DENND1A: variants seen among roughly 807,000 people sequenced by gnomAD.
DENND1A encodes DENN domain containing 1A.
Under a neutral mutation model 113.7 loss-of-function variants are expected in DENND1A, and 51 were observed. The observed-to-expected ratio is 0.45, with a 90% CI of 0.36 to 0.57. The LOEUF (loss-of-function observed/expected upper bound fraction) is 0.57, where lower values mean the gene tolerates loss of function less well. Among genes scored for constraint, DENND1A ranks in the 20% least tolerant of loss-of-function variants. The probability of loss-of-function intolerance (pLI) is 0.00; values close to 1 mark genes in which losing one functional copy is unlikely to be tolerated. For synonymous variants in DENND1A, 565 were observed against 570.8 expected, an observed-to-expected ratio of 0.99 and a Z score of 0.14; for missense variants, 1,258 against 1,395.9, an observed-to-expected ratio of 0.90 and a Z score of 1.57.
chr9:123,509,950 C>A (rs1176911424), intron 13 of DENND1A, among the ~76,000 whole-genome samples: 1 of 152,236 alleles, frequency 6.6e-6, no homozygotes, highest in East Asian at 1.9e-4. Flanking sequence ...TCAGATGAAC[C>A]TACCTGTAAG....
chr9:123,817,941 C>T (rs978147567), intron 2 of DENND1A, among the ~76,000 whole-genome samples: 18 of 151,140 alleles, frequency 1.2e-4, no homozygotes, highest in Non-Finnish European at 2.4e-4. Context: ...GCAGGAGAAT[C>T]GCTTAAACCT....
At chr9:123,581,352 G>A (rs980434507) in intron 12 of DENND1A, among the ~76,000 whole-genome samples, 4 of 152,110 alleles carry the variant, frequency 2.6e-5, no homozygotes, top group African/African-American at 4.8e-5. Context: ...ATCCTGTTAC[G>A]GCTGGGCACA....
At chr9:123,584,637 C>T (rs1176493576) in intron 11 of DENND1A, among the ~76,000 whole-genome samples, 2 of 152,204 alleles carry the variant, frequency 1.3e-5, no homozygotes, top group African/African-American at 4.8e-5. Context: ...TTCTTATCAA[C>T]CCCTGTGAAG....
At chr9:123,531,075 T>C (rs978903269) in intron 13 of DENND1A, among the ~76,000 whole-genome samples, 4 of 152,180 alleles carry the variant, frequency 2.6e-5, no homozygotes, top group Admixed American at 2.0e-4. Context: ...ACATTTAGAA[T>C]TGTTAATTTA....
intron 1 of DENND1A, among the ~76,000 whole-genome samples, chr9:123,909,935 T>C (rs1248002948): frequency 6.6e-6 from 1 of 151,826 alleles, no homozygotes. Flanking sequence ...TTTACAATAG[T>C]ATGGGAAAAA....
chr9:123,702,709 A>T lies in DENND1A; in HGVS notation c.303-25920T>A, dbSNP rs28780424. ...TCAACCAAGAATACTGTACCCAGCA[A>T]ATCTGTCCTACAGAAATGAAGGAGA... On this transcript the variant is annotated intron_variant, in intron 5 of 23. Transcript: ENST00000394215. Among the ~76,000 whole-genome samples the T allele has an allele frequency of 8.3e-3, 1,261 of 152,310 alleles. 16 individuals carry two copies. The highest frequency in any genetic ancestry group is 0.029 in the African/African-American group (1,208 of 41,564).
intron 4 of DENND1A, among the ~76,000 whole-genome samples, chr9:123,767,157 A>G (rs912183187): frequency 2.6e-5 from 4 of 152,232 alleles, no homozygotes; most frequent in South Asian, 2.1e-4. Flanking sequence ...AGACATTGAA[A>G]CCTTTATATT....
At chr9:123,766,451 C>T (rs1828830848) in intron 4 of DENND1A, among the ~76,000 whole-genome samples, 1 of 152,222 alleles carries the variant, frequency 6.6e-6, no homozygotes, top group Non-Finnish European at 1.5e-5. Context: ...ATACCACCAT[C>T]TATCTCCTAG....
intron 5 of DENND1A, among the ~76,000 whole-genome samples, chr9:123,745,267 C>T (rs1047259232): frequency 1.3e-5 from 2 of 152,190 alleles, no homozygotes; most frequent in African/African-American, 4.8e-5. Context: ...TAATGATCAA[C>T]TTTCTCTCAC....
At chr9:123,778,408 T>C (rs1247232542) in intron 3 of DENND1A, among the ~76,000 whole-genome samples, 1 of 152,194 alleles carries the variant, frequency 6.6e-6, no homozygotes, top group Non-Finnish European at 1.5e-5. Flanking sequence ...GATCAAGTCT[T>C]CATTTCACCA....
chr9:123,534,365 ATGT>A (rs2055561672), intron 13 of DENND1A, among the ~76,000 whole-genome samples: 1 of 152,352 alleles, frequency 6.6e-6, no homozygotes, highest in South Asian at 2.1e-4. Context: ...AGATACATTC[ATGT>A]TGTTGTTTAT....
chr9:123,550,670 T>C (rs1399804558), intron 13 of DENND1A, among the ~76,000 whole-genome samples: 1 of 152,202 alleles, frequency 6.6e-6, no homozygotes, highest in Non-Finnish European at 1.5e-5. Context: ...GAAATGTGTT[T>C]CGAGGGGGGT....
At chr9:123,796,774 C>CAT (rs201060374) in intron 2 of DENND1A, among the ~76,000 whole-genome samples, 1 of 151,308 alleles carries the variant, frequency 6.6e-6, no homozygotes, top group Non-Finnish European at 1.5e-5. Flanking sequence ...CACACACACA[C>CAT]ACACACACAC....
chr9:123,849,373 CA>C (rs1843031311), intron 2 of DENND1A, among the ~76,000 whole-genome samples: 1 of 152,196 alleles, frequency 6.6e-6, no homozygotes. Flanking sequence ...GATGCCAGCA[CA>C]TCATTTTATA....
At chr9:123,648,540 T>G (rs1000371059) in intron 9 of DENND1A, among the ~76,000 whole-genome samples, 1 of 152,268 alleles carries the variant, frequency 6.6e-6, no homozygotes, top group Non-Finnish European at 1.5e-5. Context: ...GTCATAGTTC[T>G]GTACTTATTT....
rs111458914 is a variant in DENND1A, at chr9:123,403,286, G to T, written c.1631+116C>A. On this transcript the variant is annotated intron_variant, in intron 21 of 23. Coordinates refer to ENST00000394215, the MANE Select transcript of DENND1A (RefSeq NM_001352964.2). ...TGAATGACCCCTTTGTGAAACACCC[G>T]CTGGGAGCCCCGGGGAAGCCTCACA... 2.6e-5 allele frequency: 26 copies of T among 1,018,532 alleles called. 1 individual carries two copies. The African/African-American group carries it at 3.3e-4, about 13-fold the overall frequency. The allele number at this position is 1,018,532 out of a possible 1,614,324, so 63.1% of individuals were successfully genotyped here. A position where few individuals can be genotyped will look rare whatever the true frequency, so the allele number is the denominator to read the frequency against.
intron 19 of DENND1A, among the ~76,000 whole-genome samples, chr9:123,428,986 A>T (rs2045940756): frequency 6.6e-6 from 1 of 152,242 alleles, no homozygotes; most frequent in Non-Finnish European, 1.5e-5. Flanking sequence ...TATAGATTCA[A>T]TGCTAATCCC....
chr9:123,658,383 G>A (rs1244979591), intron 8 of DENND1A, among the ~76,000 whole-genome samples: 1 of 151,858 alleles, frequency 6.6e-6, no homozygotes, highest in Non-Finnish European at 1.5e-5. Context: ...TTTAAATGCA[G>A]GTCAACTGTT....
intron 8 of DENND1A, among the ~76,000 whole-genome samples, chr9:123,659,202 C>T (rs2063111561): frequency 6.6e-6 from 1 of 152,204 alleles, no homozygotes; most frequent in African/African-American, 2.4e-5. Context: ...GGTGATAGAA[C>T]ATTATTAAGT....
Sources: gnomAD v4.1 joint callset for allele counts (sites outside exome capture counted in the v4.1 genomes callset) on GRCh38, gnomAD v4.1.1 for gene constraint, MANE v1.5 for transcripts, NCBI Gene and HGNC (gene_info 2026-07-23, HGNC 2026-07-21) for gene names.